PDS5A: variants seen among roughly 807,000 people sequenced by gnomAD.
The protein encoded by PDS5A is sister chromatid cohesion protein PDS5 homolog A.
A neutral mutation model predicts 167.1 loss-of-function variants in PDS5A; 42 were observed. The ratio of observed to expected loss-of-function variants is 0.25; its 90% CI spans 0.20 to 0.33. The LOEUF is 0.33. PDS5A is among the 10% of genes least tolerant of loss of function. The pLI is 1.00. For missense variants in PDS5A, 1,033 were observed against 1,605.9 expected, an observed-to-expected ratio of 0.64 and a Z score of 6.10; for synonymous variants, 553 against 554.6, an observed-to-expected ratio of 1.00 and a Z score of 0.04.
At chr4:39,923,398 T>C (rs996422789) in intron 5 of PDS5A, among the ~76,000 whole-genome samples, 7 of 150,930 alleles carry the variant, frequency 4.6e-5, no homozygotes, top group Middle Eastern at 3.2e-3. Flanking sequence ...ATTAAGTCTT[T>C]ACACAACTAG....
intron 11 of PDS5A, among the ~76,000 whole-genome samples, chr4:39,906,764 T>G (rs1348352904): frequency 6.6e-6 from 1 of 150,648 alleles, no homozygotes; most frequent in African/African-American, 2.4e-5. Context: ...AAAAGAGGGG[T>G]GGGTGGGAGT....
In PDS5A at chr4:39,917,107, A is replaced by C. The variant is rs1578737512; in HGVS notation, c.817T>G (p.Phe273Val). Residue 273 changes from phenylalanine (F) to valine (V), a missense_variant, in exon 8 of 33, where the codon TTT (phenylalanine) becomes GTT (valine). Around this residue, in one of 4 missense-constraint regions of PDS5A, gnomAD observed 388 missense variants for 615.1 expected, o/e 0.63. Coordinates refer to ENST00000303538, the MANE Select transcript of PDS5A (RefSeq NM_001100399.2). The stretch of plus-strand genomic sequence containing the variant: ...AATAATAAATGAGGATCTATAGCAA[A>C]AAGTTCCTGAATCAGATCAAATACA... ...EHVFDLIQEL[F>V]AIDPHLLLSV... The C allele has an allele frequency of 1.3e-6, 2 of 1,563,810 alleles. No individual in the cohort carries two copies. Among genetic ancestry groups the C allele is most frequent in the Non-Finnish European group, 1.7e-6 (2 of 1,155,832 alleles).
At chr4:39,976,401 C>A (rs377283502) in intron 2 of PDS5A, 39 bp downstream of exon 2, 8 of 1,584,286 alleles carry the variant, frequency 5.0e-6, no homozygotes, top group Non-Finnish European at 6.9e-6. Context: ...GGAGAAAGCG[C>A]CTTCTACCAA....
intron 2 of PDS5A, among the ~76,000 whole-genome samples, chr4:39,948,312 CTTTTTT>C (rs552182165): frequency 3.7e-4 from 30 of 80,928 alleles, no homozygotes; most frequent in Admixed American, 1.4e-3. Flanking sequence ...TGAATCAAAC[CTTTTTT>C]TTTTTTTTTT....
intron 2 of PDS5A, among the ~76,000 whole-genome samples, chr4:39,939,941 G>A (rs957674871): frequency 1.3e-5 from 2 of 152,136 alleles, no homozygotes; most frequent in African/African-American, 4.8e-5. Context: ...TCTAAATAAA[G>A]TAAAAAATAA....
chr4:39,827,055 G>A lies in PDS5A; in HGVS notation c.4011-1567C>T, dbSNP rs560036972. The stretch of plus-strand genomic sequence containing the variant: ...CTTGCTCTGTTGCCCAGGCTGGAGT[G>A]CTTGGCATGATCTCGGCTCACCACA... On this transcript the variant is annotated intron_variant, in intron 32 of 32. Transcript: ENST00000303538. Among the ~76,000 whole-genome samples the A allele has an allele frequency of 3.1e-4, 47 of 151,424 alleles. 1 individual carries two copies. The South Asian group carries it at 9.4e-3, about 30-fold the overall frequency.
chr4:39,830,688 G>A (rs1715781287), intron 32 of PDS5A, among the ~76,000 whole-genome samples: 1 of 152,148 alleles, frequency 6.6e-6, no homozygotes, highest in African/African-American at 2.4e-5. Flanking sequence ...GCTTCCCAAA[G>A]TGCTGGGATT....
chr4:39,976,693 A>C, intron 1 of PDS5A, 76 bp from the exon 2 acceptor site: 9 of 726,206 alleles, frequency 1.2e-5, no homozygotes, highest in Non-Finnish European at 1.5e-5. Flanking sequence ...AATCTCTCTA[A>C]TCTGGAAAAG....
intron 2 of PDS5A, among the ~76,000 whole-genome samples, chr4:39,935,297 C>CA (rs1341603904): frequency 6.6e-6 from 1 of 152,174 alleles, no homozygotes; most frequent in Non-Finnish European, 1.5e-5. Context: ...GGGGTTTTGC[C>CA]ATGTTGGCCA....
chr4:39,873,657 T>C (rs1291555353), intron 20 of PDS5A, among the ~76,000 whole-genome samples: 2 of 152,214 alleles, frequency 1.3e-5, no homozygotes, highest in African/African-American at 4.8e-5. Context: ...TTAGGTACTT[T>C]AAACTGGATT....
chr4:39,905,344 G>C (rs1350229957), intron 11 of PDS5A, among the ~76,000 whole-genome samples: 1 of 152,066 alleles, frequency 6.6e-6, no homozygotes, highest in Non-Finnish European at 1.5e-5. Context: ...GATCACCTGA[G>C]GTCAGGAGTT....
chr4:39,946,993 C>G (rs981830297), intron 2 of PDS5A, among the ~76,000 whole-genome samples: 6 of 151,680 alleles, frequency 4.0e-5, no homozygotes, highest in African/African-American at 1.5e-4. Context: ...GTAAAACCAG[C>G]ACTGTGAGGG....
rs770437160 is a variant in PDS5A at position 39,869,566 on chromosome 4, C to T, written c.2437-104G>A. On this transcript the variant is annotated intron_variant, in intron 21 of 32. Transcript: ENST00000303538. ...ATCAACACAGCCTCTGAGAAACCTACGGGAACATCACCAACCAGAGCTTGG... is the reference window on the plus strand; with the variant it reads ...ATCAACACAGCCTCTGAGAAACCTATGGGAACATCACCAACCAGAGCTTGG... The T allele has an allele frequency of 2.6e-5, 19 of 725,084 alleles. 1 individual carries two copies. Among genetic ancestry groups the T allele is most frequent in the South Asian group, 7.9e-5 (5 of 63,418 alleles). The allele number at this position is 725,084 out of a possible 1,614,324, so 44.9% of individuals were successfully genotyped here.
At chr4:39,900,703 A>G (rs915557534) in intron 13 of PDS5A, among the ~76,000 whole-genome samples, 196 bp from the exon 14 acceptor site, 1 of 152,182 alleles carries the variant, frequency 6.6e-6, no homozygotes, top group Non-Finnish European at 1.5e-5. Flanking sequence ...CTTATGAGAG[A>G]AAATATTTGA....
intron 2 of PDS5A, among the ~76,000 whole-genome samples, chr4:39,960,713 G>T (rs996011143): frequency 1.3e-5 from 2 of 149,658 alleles, no homozygotes; most frequent in East Asian, 1.9e-4. Context: ...TTTTTTTAAC[G>T]GAGTCTCACT....
intron 32 of PDS5A, among the ~76,000 whole-genome samples, chr4:39,829,522 C>T (rs755280762): frequency 6.6e-6 from 1 of 151,924 alleles, no homozygotes; most frequent in Admixed American, 6.6e-5. Flanking sequence ...TGGCACACAC[C>T]TGTAGTTCTA....
At position 39,917,670 on chromosome 4, in the gene PDS5A, G is replaced by T. The variant is rs1281550217; in HGVS notation, c.736-482C>A. Among the ~76,000 whole-genome samples the T allele has an allele frequency of 2.0e-5, 3 of 152,004 alleles. No homozygotes were observed. The East Asian group carries it at 5.8e-4, about 29-fold the overall frequency. ...GCTTACTGCAACTTCCACCTCCGAG[G>T]TTCAAGCAATTCTCCTGCCTCAATC... On this transcript the variant is annotated intron_variant, in intron 7 of 32. Coordinates refer to ENST00000303538, the MANE Select transcript of PDS5A (RefSeq NM_001100399.2).
intron 17 of PDS5A, among the ~76,000 whole-genome samples, chr4:39,880,590 G>C (rs943758214): frequency 6.6e-6 from 1 of 151,290 alleles, no homozygotes; most frequent in African/African-American, 2.4e-5. Context: ...TTTTCCTTTG[G>C]TGTTATGTCA....
chr4:39,873,408 G>C (rs1232763401), intron 20 of PDS5A, among the ~76,000 whole-genome samples: 1 of 152,080 alleles, frequency 6.6e-6, no homozygotes, highest in East Asian at 1.9e-4. Flanking sequence ...AAACATTTTT[G>C]CTTCATCAAA....
Sources: allele counts gnomAD v4.1 joint callset (sites outside exome capture counted in the v4.1 genomes callset), GRCh38; gene constraint gnomAD v4.1.1; regional missense constraint gnomAD v4.1.1; transcripts MANE v1.5; gene names NCBI Gene and HGNC (gene_info 2026-07-23, HGNC 2026-07-21).